The following SNTG2 variants were observed in gnomAD, a reference collection of about 807,000 sequenced individuals.
The protein encoded by SNTG2 is gamma-2-syntrophin.
Under a neutral mutation model 70.9 loss-of-function variants are expected in SNTG2, and 74 were observed. That is an observed-to-expected ratio of 1.04 (90% CI 0.86 to 1.27). The LOEUF is 1.27. Ranked by LOEUF, SNTG2 falls within the 50% of genes most tolerant of loss-of-function variation. SNTG2 has a pLI of 0.00. For missense variants in SNTG2, 717 were observed against 690.7 expected (o/e 1.04, Z -0.43); for synonymous variants, 278 against 273.8 (o/e 1.02, Z -0.15).
chr2:1,262,573 C>T (rs910123527), intron 13 of SNTG2, among the ~76,000 whole-genome samples: 7 of 122,410 alleles, frequency 5.7e-5, no homozygotes, highest in East Asian at 2.7e-4. Flanking sequence ...GGGAAGAAGC[C>T]GGGTCAAGTC....
chr2:1,057,042 C>T (rs1197505706), intron 1 of SNTG2, among the ~76,000 whole-genome samples: 1 of 151,860 alleles, frequency 6.6e-6, no homozygotes, highest in Non-Finnish European at 1.5e-5. Flanking sequence ...ACGATGCATG[C>T]CGCTTCCTCC....
chr2:1,138,998 G>A (rs982158998), intron 6 of SNTG2, among the ~76,000 whole-genome samples: 4 of 152,134 alleles, frequency 2.6e-5, no homozygotes, highest in Non-Finnish European at 4.4e-5. Flanking sequence ...TGTAGTTATC[G>A]ACCTCTAATT....
chr2:1,179,095 G>A (rs1426669462), intron 8 of SNTG2, among the ~76,000 whole-genome samples: 2 of 152,182 alleles, frequency 1.3e-5, no homozygotes, highest in African/African-American at 2.4e-5. Flanking sequence ...TTGCATAGAG[G>A]TGTTTGTAGT....
intron 8 of SNTG2, among the ~76,000 whole-genome samples, chr2:1,191,581 G>A (rs1672596393): frequency 6.6e-6 from 1 of 152,132 alleles, no homozygotes; most frequent in Non-Finnish European, 1.5e-5. Flanking sequence ...GGATCATGAG[G>A]TCAGGAGATT....
chr2:1,292,854 C>T (rs1023614619), intron 14 of SNTG2, among the ~76,000 whole-genome samples: 8 of 152,168 alleles, frequency 5.3e-5, no homozygotes, highest in African/African-American at 1.9e-4. Flanking sequence ...GTAACACTGA[C>T]CTCATAGAAT....
At chr2:1,142,100 C>T (rs1027582170) in intron 6 of SNTG2, among the ~76,000 whole-genome samples, 1 of 152,212 alleles carries the variant, frequency 6.6e-6, no homozygotes, top group African/African-American at 2.4e-5. Context: ...TGGGAACTGA[C>T]TCTCTCCCTG....
chr2:1,316,459 C>T (rs1231494353), intron 16 of SNTG2, 84 bp downstream of exon 16: 6 of 527,760 alleles, frequency 1.1e-5, no homozygotes, highest in Admixed American at 3.9e-5. Flanking sequence ...AAATCTCCAC[C>T]CCTCCCATGC....
intron 1 of SNTG2, among the ~76,000 whole-genome samples, chr2:1,053,931 C>T (rs543429505): frequency 2.6e-5 from 4 of 151,418 alleles, no homozygotes; most frequent in South Asian, 2.1e-4. Context: ...TCCTCCCTCC[C>T]GCCCCCCTCT....
chr2:1,064,445 A>T (rs1663022777), intron 1 of SNTG2, among the ~76,000 whole-genome samples: 1 of 150,784 alleles, frequency 6.6e-6, no homozygotes, highest in South Asian at 2.1e-4. Context: ...ATGTATATAT[A>T]CTGAAATATA....
intron 1 of SNTG2, among the ~76,000 whole-genome samples, chr2:1,067,571 A>G (rs1199923471): frequency 6.6e-6 from 1 of 152,172 alleles, no homozygotes; most frequent in Non-Finnish European, 1.5e-5. Flanking sequence ...TGGTGTTTCT[A>G]AAGTGAGTCA....
At chr2:1,105,077 T>C (rs1011356800) in intron 4 of SNTG2, among the ~76,000 whole-genome samples, 1 of 152,182 alleles carries the variant, frequency 6.6e-6, no homozygotes, top group South Asian at 2.1e-4. Flanking sequence ...GAGCAAGTTC[T>C]TCATGAGTTG....
chr2:1,164,747 GGC>G, intron 6 of SNTG2, among the ~76,000 whole-genome samples: 1 of 151,980 alleles, frequency 6.6e-6, no homozygotes, highest in South Asian at 2.1e-4. Context: ...GGATATACCT[GGC>G]CTAGGAGGAT....
intron 4 of SNTG2, among the ~76,000 whole-genome samples, chr2:1,122,346 G>C (rs28848298): frequency 0.47 from 71,145 of 151,902 alleles, 17,633 homozygotes; most frequent in East Asian, 0.66. Flanking sequence ...ACAAATGACA[G>C]AAACATTCTC....
At chr2:1,294,026 C>T (rs1158606201) in intron 14 of SNTG2, among the ~76,000 whole-genome samples, 1 of 152,226 alleles carries the variant, frequency 6.6e-6, no homozygotes, top group African/African-American at 2.4e-5. Context: ...TCAGGCTGGT[C>T]ACCACCATAG....
chr2:1,072,349 CTTT>C (rs201149926), intron 1 of SNTG2, among the ~76,000 whole-genome samples: 2 of 61,428 alleles, frequency 3.3e-5, no homozygotes, highest in Admixed American at 1.9e-4. Context: ...TTTTCTTTTT[CTTT>C]TTTTTTTTTT....
chr2:1,320,202 G>T (rs1319286066), intron 16 of SNTG2, among the ~76,000 whole-genome samples: 1 of 152,064 alleles, frequency 6.6e-6, no homozygotes, highest in African/African-American at 2.4e-5. Flanking sequence ...GGCTTGGGGA[G>T]CAGAGTGAAA....
chr2:1,321,896 T>TCTTC (rs371875456), intron 16 of SNTG2, among the ~76,000 whole-genome samples: 2,287 of 73,046 alleles, frequency 0.031, 56 homozygotes, highest in African/African-American at 0.097. Context: ...TTCCTTTCCT[T>TCTTC]CTTTCTTCCT....
At chr2:1,106,283 G>A (rs1274414784) in intron 4 of SNTG2, among the ~76,000 whole-genome samples, 6 of 63,962 alleles carry the variant, frequency 9.4e-5, no homozygotes, top group East Asian at 5.5e-4. Flanking sequence ...AATAGTGGAT[G>A]TGTGCTGTCA....
chr2:970,221 G>A (rs1298213321), intron 1 of SNTG2, among the ~76,000 whole-genome samples: 2 of 152,142 alleles, frequency 1.3e-5, no homozygotes, highest in Admixed American at 6.5e-5. Context: ...CTACCTAATT[G>A]TGTGGATAAG....
Sources: allele counts gnomAD v4.1 joint callset (sites outside exome capture counted in the v4.1 genomes callset), GRCh38; gene constraint gnomAD v4.1.1; transcripts MANE v1.5; gene names NCBI Gene and HGNC (gene_info 2026-07-23, HGNC 2026-07-21).